Variants in ZNG1A observed in about 807,000 individuals in gnomAD.
ZNG1A encodes zinc-regulated GTPase metalloprotein activator 1A.
At chr9:139,686 G>A in the ZNG1A span, among the ~76,000 whole-genome samples, 13 of 151,774 alleles carry the variant, frequency 8.6e-5, no homozygotes, top group South Asian at 2.1e-4. Flanking sequence ...GAACAGCTCC[G>A]GTCTACAGCT....
chr9:159,322 C>G, the ZNG1A span, among the ~76,000 whole-genome samples: 1 of 145,568 alleles, frequency 6.9e-6, no homozygotes, highest in South Asian at 2.2e-4. Flanking sequence ...TCAAAGCATA[C>G]AAAGTTCGTT....
chr9:142,810 G>GA, the ZNG1A span, among the ~76,000 whole-genome samples: 10 of 132,774 alleles, frequency 7.5e-5, no homozygotes, highest in African/African-American at 3.1e-4. Context: ...GACTAATAAA[G>GA]AAAAAAAGAG....
the ZNG1A span, chr9:146,231 T>A: frequency 6.3e-7 from 1 of 1,579,606 alleles, no homozygotes; most frequent in Non-Finnish European, 8.5e-7. Flanking sequence ...GAAAAAAAAC[T>A]CTGACTTAAA....
At chr9:140,608 TCTC>T in the ZNG1A span, among the ~76,000 whole-genome samples, 3 of 146,900 alleles carry the variant, frequency 2.0e-5, no homozygotes, top group Non-Finnish European at 4.5e-5. Context: ...GCAGAGCGCC[TCTC>T]CTCCTCCAAA....
chr9:140,284 C>G, the ZNG1A span, among the ~76,000 whole-genome samples: 7 of 151,886 alleles, frequency 4.6e-5, no homozygotes, highest in Admixed American at 1.3e-4. Flanking sequence ...TTGAAGAGAG[C>G]AGTGGTTCTC....
the ZNG1A span, among the ~76,000 whole-genome samples, chr9:165,771 C>A: frequency 1.5e-5 from 1 of 66,444 alleles, no homozygotes; most frequent in Admixed American, 1.4e-4. Context: ...TCTTCAAAAT[C>A]TAATAAAACA....
the ZNG1A span, among the ~76,000 whole-genome samples, chr9:133,954 T>A: frequency 7.6e-6 from 1 of 131,844 alleles, no homozygotes; most frequent in East Asian, 2.5e-4. Context: ...CAAACGCTCA[T>A]GGAAAGTGAG....
chr9:164,920 T>C, the ZNG1A span, among the ~76,000 whole-genome samples: 1 of 152,130 alleles, frequency 6.6e-6, no homozygotes, highest in East Asian at 1.9e-4. Flanking sequence ...CTGTTTACAG[T>C]GATTACTCAT....
At chr9:175,214 C>T in the ZNG1A span, among the ~76,000 whole-genome samples, 1 of 152,058 alleles carries the variant, frequency 6.6e-6, no homozygotes. Flanking sequence ...CCTGTCTCTA[C>T]TAAAAATACA....
chr9:140,604 C>T, the ZNG1A span, among the ~76,000 whole-genome samples: 156 of 147,430 alleles, frequency 1.1e-3, 1 homozygote, highest in African/African-American at 2.6e-3. Context: ...AAAAGCAGAG[C>T]GCCTCTCCTC....
At chr9:166,870 C>G in the ZNG1A span, 2 of 151,918 alleles carry the variant, frequency 1.3e-5, no homozygotes, top group East Asian at 3.9e-4. Context: ...AGAATACATA[C>G]GAACAACAAA....
chr9:166,868 T>C, the ZNG1A span: 14 of 152,122 alleles, frequency 9.2e-5, no homozygotes, highest in African/African-American at 3.4e-4. Flanking sequence ...TTAGAATACA[T>C]ACGAACAACA....
chr9:155,044 A>T, the ZNG1A span, among the ~76,000 whole-genome samples: 1 of 152,046 alleles, frequency 6.6e-6, no homozygotes. Context: ...ACCCATTCGC[A>T]AAGTATTTAC....
chr9:147,328 GA>G, the ZNG1A span: 1 of 116,326 alleles, frequency 8.6e-6, no homozygotes, highest in African/African-American at 3.9e-5. Flanking sequence ...TTCTTACAAG[GA>G]AAAAAAACAT....
At chr9:174,161 A>C in the ZNG1A span, among the ~76,000 whole-genome samples, 2 of 151,332 alleles carry the variant, frequency 1.3e-5, no homozygotes, top group Non-Finnish European at 2.9e-5. Context: ...AAAAAAAAAA[A>C]CCTAAACTTT....
chr9:141,065 T>C, the ZNG1A span, among the ~76,000 whole-genome samples: 5 of 138,074 alleles, frequency 3.6e-5, 1 homozygote, highest in Admixed American at 7.4e-5. Context: ...CTACGTCTGA[T>C]TGGTGTACCT....
the ZNG1A span, among the ~76,000 whole-genome samples, chr9:140,969 A>G: frequency 7.2e-6 from 1 of 139,332 alleles, no homozygotes; most frequent in East Asian, 2.3e-4. Flanking sequence ...AATGAAATGA[A>G]GCAAGAAGGG....
the ZNG1A span, among the ~76,000 whole-genome samples, chr9:131,965 C>T: frequency 7.2e-6 from 1 of 138,720 alleles, no homozygotes; most frequent in Non-Finnish European, 1.5e-5. Context: ...AAGATTCTCA[C>T]CTTCTCATTT....
chr9:178,410 C>T, the ZNG1A span, among the ~76,000 whole-genome samples: 1 of 148,644 alleles, frequency 6.7e-6, no homozygotes, highest in Admixed American at 6.8e-5. Context: ...ATTTTACAGA[C>T]GGGACATCCT....
Sources: allele counts gnomAD v4.1 joint callset (sites outside exome capture counted in the v4.1 genomes callset), GRCh38; gene constraint gnomAD v4.1.1; transcripts MANE v1.5; gene names NCBI Gene and HGNC (gene_info 2026-07-23, HGNC 2026-07-21).